The following GVQW3 variants were observed in gnomAD, a reference collection of about 807,000 sequenced individuals.
The protein encoded by GVQW3 is GVQW motif containing 3.
A neutral mutation model predicts 12.5 loss-of-function variants in GVQW3; 7 were observed. The ratio of observed to expected loss-of-function variants is 0.56; its 90% CI spans 0.32 to 1.05. GVQW3 has a LOEUF of 1.05. Among genes scored for constraint, GVQW3 ranks in the 50% least tolerant of loss-of-function variants. The pLI, the probability that GVQW3 is intolerant of heterozygous loss-of-function variation, is 0.04. For synonymous variants in GVQW3, 71 were observed against 67.2 expected, an observed-to-expected ratio of 1.06 and a Z score of -0.28; for missense variants, 188 against 190.8, an observed-to-expected ratio of 0.99 and a Z score of 0.09.
At chr11:76,389,713 A>C (rs1311681152) in intron 1 of GVQW3, 1 of 152,244 alleles carries the variant, frequency 6.6e-6, no homozygotes, top group African/African-American at 2.4e-5. Flanking sequence ...ACATTCTCGC[A>C]CAAAATGAAT....
downstream of GVQW3, chr11:76,410,917 T>G (rs1947075166): frequency 6.6e-6 from 1 of 152,254 alleles, no homozygotes; most frequent in Admixed American, 6.5e-5. Context: ...CATCTTTCAT[T>G]GCTTTATGGG....
chr11:76,382,694 A>G (rs1946789403), intron 1 of GVQW3: 1 of 467,302 alleles, frequency 2.1e-6, no homozygotes, highest in Non-Finnish European at 3.8e-6. Context: ...TTGCTCAACA[A>G]GTTTGGATTT....
intron 1 of GVQW3, among the ~76,000 whole-genome samples, chr11:76,391,851 G>A (rs1946895520): frequency 1.3e-5 from 2 of 152,238 alleles, no homozygotes; most frequent in African/African-American, 4.8e-5. Context: ...CTACTCAGGA[G>A]GCTGAGGCAG....
exon 2 of GVQW3, chr11:76,413,458 C>G (rs1947095453): frequency 6.6e-6 from 1 of 152,206 alleles, no homozygotes; most frequent in Non-Finnish European, 1.5e-5. Context: ...CTAGATGGCC[C>G]TGGGCAGATC....
At chr11:76,393,598 C>T (rs1198413735) in intron 1 of GVQW3, among the ~76,000 whole-genome samples, 2 of 152,138 alleles carry the variant, frequency 1.3e-5, no homozygotes, top group African/African-American at 2.4e-5. Context: ...TGGGAAACTC[C>T]CCTTTTGGAC....
chr11:76,413,856 T>C (rs1590829954), exon 2 of GVQW3: 1 of 145,610 alleles, frequency 6.9e-6, no homozygotes, highest in Non-Finnish European at 1.5e-5. Flanking sequence ...CAAAAAAAAA[T>C]ACCAGTGTGT....
chr11:76,414,501 C>T (rs895840323), exon 2 of GVQW3: 4 of 152,086 alleles, frequency 2.6e-5, no homozygotes, highest in Admixed American at 2.6e-4. Context: ...CTCTTTGCAC[C>T]AGGCAATCTC....
At chr11:76,387,448 T>G (rs73489696) in intron 1 of GVQW3, among the ~76,000 whole-genome samples, 1 of 151,950 alleles carries the variant, frequency 6.6e-6, no homozygotes, top group Non-Finnish European at 1.5e-5. Context: ...AGTTAGACAT[T>G]CTTAGCTTTT....
downstream of GVQW3, chr11:76,411,585 C>T (rs1326244000): frequency 6.6e-6 from 1 of 152,156 alleles, no homozygotes; most frequent in Non-Finnish European, 1.5e-5. Context: ...TGCAAGTATA[C>T]TTCATCAAGG....
chr11:76,397,161 G>A (rs865829990), intron 1 of GVQW3, among the ~76,000 whole-genome samples: 6 of 151,880 alleles, frequency 4.0e-5, no homozygotes, highest in Middle Eastern at 6.8e-3. Flanking sequence ...GCACCACCAC[G>A]CCCAGCTAAT....
intron 1 of GVQW3, among the ~76,000 whole-genome samples, chr11:76,393,763 T>C (rs1233600381): frequency 6.6e-6 from 1 of 152,074 alleles, no homozygotes; most frequent in Non-Finnish European, 1.5e-5. Flanking sequence ...ATATATATAT[T>C]TATGGAGTAT....
exon 2 of GVQW3, chr11:76,414,043 C>T (rs1417498453): frequency 6.6e-6 from 1 of 152,140 alleles, no homozygotes; most frequent in Non-Finnish European, 1.5e-5. Context: ...ACTTAGGCTA[C>T]ATTGGAGGCC....
rs1946772364 is a variant in GVQW3 at position 76,381,848 on chromosome 11, A to T, written c.20A>T (p.Glu7Val). MSDRYL[E>V]QRISIKFCVK... ...GCCAGAATGAGTGACCGCTATTTAGAACAAAGGATTAGTATCAAATTTTGC... is the reference window on the plus strand; with the variant it reads ...GCCAGAATGAGTGACCGCTATTTAGTACAAAGGATTAGTATCAAATTTTGC... The change falls in exon 1 of 2, where the codon GAA (glutamate) becomes GTA (valine). Residue 7 changes from glutamate to valine, a missense_variant. Transcript: ENST00000529331. 2 of 1,534,162 alleles carry T rather than the reference A, an allele frequency of 1.3e-6. No homozygotes were observed. The highest frequency in any genetic ancestry group is 1.7e-6 in the Non-Finnish European group (2 of 1,145,922).
At chr11:76,390,625 G>A (rs2134545586) in intron 1 of GVQW3, among the ~76,000 whole-genome samples, 1 of 152,242 alleles carries the variant, frequency 6.6e-6, no homozygotes, top group African/African-American at 2.4e-5. Context: ...CACGAGGTCA[G>A]GAGATCGAGA....
chr11:76,400,012 C>CACACAA (rs1946973905), intron 1 of GVQW3, among the ~76,000 whole-genome samples: 1 of 130,364 alleles, frequency 7.7e-6, no homozygotes, highest in Non-Finnish European at 1.6e-5. Flanking sequence ...TGTATACACA[C>CACACAA]ACACACACAC....
At position 76,386,075 on chromosome 11, in the gene GVQW3, C is replaced by T. The variant is rs115819785; in HGVS notation, c.465+3782C>T. ...GCTTAACACCATCGGTCAATGACTC[C>T]GTTTGGCTTTCAGGTTGATCTTTGT... On this transcript the variant is annotated intron_variant, in intron 1 of 1. Transcript: ENST00000529331. 8.4e-3 allele frequency among the ~76,000 whole-genome samples: 1,281 copies of T among 152,286 alleles called. 18 individuals carry two copies. The highest frequency in any genetic ancestry group is 0.03 in the African/African-American group (1,227 of 41,548).
At chr11:76,412,114 A>G (rs1947083725), downstream of GVQW3, 1 of 152,232 alleles carries the variant, frequency 6.6e-6, no homozygotes, top group South Asian at 2.1e-4. Flanking sequence ...ATGTCATTCC[A>G]TACATTGATT....
chr11:76,394,729 A>G (rs1946924350), intron 1 of GVQW3, among the ~76,000 whole-genome samples: 1 of 152,178 alleles, frequency 6.6e-6, no homozygotes, highest in Admixed American at 6.5e-5. Flanking sequence ...GCTAGATTAT[A>G]TGGTAGCTCT....
intron 1 of GVQW3, among the ~76,000 whole-genome samples, chr11:76,403,439 C>T (rs982140355): frequency 2.6e-5 from 4 of 152,132 alleles, no homozygotes; most frequent in Admixed American, 6.6e-5. Flanking sequence ...AGCCCAAAGA[C>T]GAAGACCTGA....
Sources: gnomAD v4.1 joint callset for allele counts (sites outside exome capture counted in the v4.1 genomes callset) on GRCh38, gnomAD v4.1.1 for gene constraint, MANE v1.5 for transcripts, NCBI Gene and HGNC (gene_info 2026-07-23, HGNC 2026-07-21) for gene names.